Variants in MECOM observed in about 807,000 individuals in gnomAD.
MECOM encodes histone-lysine N-methyltransferase MECOM.
In MECOM, 13 loss-of-function variants were observed where a neutral mutation model predicts 116.3. That is an observed-to-expected ratio of 0.11 (90% CI 0.07 to 0.18). The LOEUF (loss-of-function observed/expected upper bound fraction) is 0.18, where lower values mean the gene tolerates loss of function less well. Among genes scored for constraint, MECOM ranks in the 10% least tolerant of loss-of-function variants. MECOM has a pLI of 1.00. For synonymous variants in MECOM, 528 were observed against 535.2 expected (o/e 0.99, Z 0.19); for missense variants, 1,299 against 1,509.0 (o/e 0.86, Z 2.31).
At chr3:169,300,748 A>G (rs73034988) in intron 2 of MECOM, among the ~76,000 whole-genome samples, 8,293 of 152,194 alleles carry the variant, frequency 0.054, 663 homozygotes, top group African/African-American at 0.17. Flanking sequence ...CTCTCAAAAC[A>G]TAGTGTCCCC....
intron 2 of MECOM, among the ~76,000 whole-genome samples, chr3:169,184,076 G>C (rs1041115394): frequency 1.3e-5 from 2 of 152,004 alleles, no homozygotes; most frequent in Non-Finnish European, 2.9e-5. Flanking sequence ...ACATTAGCCA[G>C]GATGGTCTCA....
intron 1 of MECOM, among the ~76,000 whole-genome samples, chr3:169,461,172 C>T (rs1220179153): frequency 6.6e-6 from 1 of 152,136 alleles, no homozygotes; most frequent in Non-Finnish European, 1.5e-5. Context: ...GAATCTTCCA[C>T]TTGCGCCACC....
chr3:169,596,394 C>T (rs1577045149), intron 1 of MECOM, among the ~76,000 whole-genome samples: 1 of 152,256 alleles, frequency 6.6e-6, no homozygotes, highest in Non-Finnish European at 1.5e-5. Flanking sequence ...TCTCTGAGGG[C>T]TGAAAGTACA....
chr3:169,495,923 C>T (rs906397141), intron 1 of MECOM, among the ~76,000 whole-genome samples: 2 of 152,190 alleles, frequency 1.3e-5, no homozygotes, highest in African/African-American at 4.8e-5. Context: ...GTGAGGATCT[C>T]ATGAGCTATA....
chr3:169,588,773 G>T (rs1766053108), intron 1 of MECOM, among the ~76,000 whole-genome samples: 1 of 152,038 alleles, frequency 6.6e-6, no homozygotes, highest in Non-Finnish European at 1.5e-5. Context: ...CATGACAAAT[G>T]ACCCTATCTC....
At chr3:169,528,538 AT>A (rs889488478) in intron 1 of MECOM, among the ~76,000 whole-genome samples, 5 of 152,180 alleles carry the variant, frequency 3.3e-5, no homozygotes, top group African/African-American at 1.2e-4. Flanking sequence ...AAAACATAAT[AT>A]TTTTTTAAAA....
At chr3:169,610,737 T>A (rs1769163741) in intron 1 of MECOM, among the ~76,000 whole-genome samples, 1 of 152,168 alleles carries the variant, frequency 6.6e-6, no homozygotes, top group South Asian at 2.1e-4. Context: ...GGAAGACACT[T>A]CTTGGGTGAA....
intron 2 of MECOM, among the ~76,000 whole-genome samples, chr3:169,365,771 C>T (rs564525438): frequency 6.6e-6 from 1 of 151,910 alleles, no homozygotes; most frequent in Non-Finnish European, 1.5e-5. Context: ...CCCTCTAAGC[C>T]CCCACCTGTG....
chr3:169,618,616 C>T (rs1770311991), intron 1 of MECOM, among the ~76,000 whole-genome samples: 1 of 152,116 alleles, frequency 6.6e-6, no homozygotes, highest in Non-Finnish European at 1.5e-5. Context: ...GAGATCACAC[C>T]ACTGCACTCC....
At chr3:169,435,241 G>C (rs1390570922) in intron 1 of MECOM, among the ~76,000 whole-genome samples, 1 of 152,180 alleles carries the variant, frequency 6.6e-6, no homozygotes, top group Non-Finnish European at 1.5e-5. Flanking sequence ...TCCTTAACTA[G>C]CTCCTGGGTA....
intron 3 of MECOM, among the ~76,000 whole-genome samples, chr3:169,141,709 A>T (rs1359580539): frequency 1.3e-5 from 2 of 151,890 alleles, no homozygotes; most frequent in Non-Finnish European, 2.9e-5. Flanking sequence ...CAATTGGGCT[A>T]AGAGTGATTG....
Position 169,116,509 on chromosome 3 carries a change from A to G in MECOM, c.1363T>C (p.Ser455Pro), listed in dbSNP as rs775469673. ...TTGGCATGACTCATATTAACCATGGACGTTTTATCCATAGCTGGGGTTCCA... is the reference window on the plus strand; with the variant it reads ...TTGGCATGACTCATATTAACCATGGGCGTTTTATCCATAGCTGGGGTTCCA... Reference protein sequence around the residue: ...LPGTPAMDKTSMVNMSHANPG... With the variant: ...LPGTPAMDKTPMVNMSHANPG... The change falls in exon 8 of 17, where the codon TCC (serine) becomes CCC (proline). Residue 455 changes from serine (S) to proline (P), a missense_variant. Ser to Pro is a moderately conservative substitution (Grantham distance 74). Transcript: ENST00000651503. 2 of 1,614,154 alleles carry G rather than the reference A, an allele frequency of 1.2e-6. No homozygotes were observed. Among genetic ancestry groups the G allele is most frequent in the South Asian group, 2.2e-5 (2 of 91,070 alleles).
intron 1 of MECOM, among the ~76,000 whole-genome samples, chr3:169,521,698 A>T (rs879488831): frequency 3.9e-5 from 6 of 152,204 alleles, no homozygotes; most frequent in Admixed American, 1.3e-4. Flanking sequence ...CAGACCCAGG[A>T]ATCTGTTTTA....
At chr3:169,100,563 T>C (rs1723246550) in intron 12 of MECOM, among the ~76,000 whole-genome samples, 1 of 152,076 alleles carries the variant, frequency 6.6e-6, no homozygotes, top group South Asian at 2.1e-4. Context: ...ATCCTAATTA[T>C]TGAGAAAAGA....
intron 2 of MECOM, among the ~76,000 whole-genome samples, chr3:169,316,210 C>G (rs1245128363): frequency 6.6e-6 from 1 of 152,198 alleles, no homozygotes; most frequent in Non-Finnish European, 1.5e-5. Flanking sequence ...AACTTCTGTT[C>G]TTTCGACAAC....
rs537935174 is a variant in MECOM, at chr3:169,179,701, A to G, written c.376-35869T>C. Among the ~76,000 whole-genome samples the G allele has an allele frequency of 5.3e-5, 8 of 152,350 alleles. No individual in the cohort carries two copies. In the South Asian group the frequency reaches 1.7e-3, roughly 32 times the overall value. On this transcript the variant is annotated intron_variant, in intron 2 of 16. Coordinates refer to ENST00000651503, the MANE Select transcript of MECOM (RefSeq NM_004991.4). ...CTTGGCACCTCTTACAAGCTAATAAAGATGTAGACTGGCAACTGTGATAAA... is the reference window on the plus strand; with the variant it reads ...CTTGGCACCTCTTACAAGCTAATAAGGATGTAGACTGGCAACTGTGATAAA...
At chr3:169,172,902 G>C (rs555865828) in intron 2 of MECOM, among the ~76,000 whole-genome samples, 6 of 152,174 alleles carry the variant, frequency 3.9e-5, no homozygotes, top group Middle Eastern at 3.4e-3. Context: ...GGATTCTCGT[G>C]AAAATCAAAT....
At chr3:169,123,327 A>G (rs1219894121) in intron 5 of MECOM, among the ~76,000 whole-genome samples, 7 of 136,076 alleles carry the variant, frequency 5.1e-5, no homozygotes, top group Non-Finnish European at 9.8e-5. Context: ...GTGTGTGTGT[A>G]TCATATATAT....
intron 1 of MECOM, among the ~76,000 whole-genome samples, chr3:169,600,786 A>G (rs1379330731): frequency 6.6e-6 from 1 of 152,228 alleles, no homozygotes; most frequent in East Asian, 1.9e-4. Flanking sequence ...ACAAAATTTC[A>G]GGTGATTATT....
Sources: gnomAD v4.1 joint callset for allele counts (sites outside exome capture counted in the v4.1 genomes callset) on GRCh38, gnomAD v4.1.1 for gene constraint, MANE v1.5 for transcripts, NCBI Gene and HGNC (gene_info 2026-07-23, HGNC 2026-07-21) for gene names.